Variants in PLPPR1 observed in about 807,000 individuals in gnomAD.
PLPPR1 encodes phospholipid phosphatase-related protein type 1.
A neutral mutation model predicts 33.1 loss-of-function variants in PLPPR1; 10 were observed. The observed-to-expected ratio is 0.30, with a 90% CI of 0.19 to 0.51. The LOEUF (loss-of-function observed/expected upper bound fraction) is 0.51, where lower values mean the gene tolerates loss of function less well. PLPPR1 is among the 20% of genes least tolerant of loss of function. PLPPR1 has a pLI of 0.97. For missense variants in PLPPR1, 304 were observed against 408.1 expected (o/e 0.74, Z 2.20); for synonymous variants, 151 against 151.0 (o/e 1.00, Z 0.00).
At chr9:101,181,625 T>G (rs912562067) in intron 1 of PLPPR1, among the ~76,000 whole-genome samples, 2 of 134,310 alleles carry the variant, frequency 1.5e-5, no homozygotes, top group Non-Finnish European at 3.4e-5. Context: ...TGTGTGTGTG[T>G]GTGTGTGTAT....
At chr9:101,270,817 C>T (rs187620037) in intron 3 of PLPPR1, among the ~76,000 whole-genome samples, 18 of 152,100 alleles carry the variant, frequency 1.2e-4, no homozygotes, top group Admixed American at 5.2e-4. Context: ...CCTAAATATG[C>T]CATAAGGTCA....
chr9:101,064,082 T>A (rs1830378153), intron 1 of PLPPR1, among the ~76,000 whole-genome samples: 1 of 152,142 alleles, frequency 6.6e-6, no homozygotes, highest in African/African-American at 2.4e-5. Context: ...AATTTATAGA[T>A]CTATGATTCT....
At chr9:101,302,992 G>A (rs1197263380) in intron 4 of PLPPR1, among the ~76,000 whole-genome samples, 1 of 152,132 alleles carries the variant, frequency 6.6e-6, no homozygotes, top group African/African-American at 2.4e-5. Flanking sequence ...TTGTTATTTT[G>A]TTTTTGTTTT....
chr9:101,034,707 A>C (rs1244851187), intron 1 of PLPPR1, among the ~76,000 whole-genome samples: 1 of 152,098 alleles, frequency 6.6e-6, no homozygotes, highest in Non-Finnish European at 1.5e-5. Context: ...TAAGTACCTA[A>C]TAAATGGAGA....
intron 1 of PLPPR1, among the ~76,000 whole-genome samples, chr9:101,176,067 G>A (rs981959237): frequency 5.9e-5 from 9 of 152,178 alleles, no homozygotes; most frequent in Admixed American, 1.3e-4. Context: ...AACCACAAAT[G>A]CCAATAGGAG....
At chr9:101,082,406 C>T (rs959535905) in intron 1 of PLPPR1, among the ~76,000 whole-genome samples, 2 of 152,040 alleles carry the variant, frequency 1.3e-5, no homozygotes, top group African/African-American at 4.8e-5. Flanking sequence ...CATTCCTCCT[C>T]CCCCACCAAG....
chr9:101,116,402 C>T (rs907784786), intron 1 of PLPPR1, among the ~76,000 whole-genome samples: 1 of 152,154 alleles, frequency 6.6e-6, no homozygotes, highest in African/African-American at 2.4e-5. Flanking sequence ...GGTAGCGGTC[C>T]CATATCAGCT....
At position 101,270,081 on chromosome 9, in the gene PLPPR1, A is replaced by G. The variant is rs1828066940; in HGVS notation, c.252+13A>G. On this transcript the variant is annotated intron_variant, in intron 3 of 7. Transcript: ENST00000374874. ...CCCAACTGCTATTGTAAGTACAGAA[A>G]TAGACTTTCCTCTTTATTGTCAGAT... 1 of 1,613,336 alleles carries G rather than the reference A, an allele frequency of 6.2e-7. No homozygotes were observed. The highest frequency in any genetic ancestry group is 2.2e-5 in the East Asian group (1 of 44,866).
intron 1 of PLPPR1, among the ~76,000 whole-genome samples, chr9:101,094,812 G>A (rs982282765): frequency 1.3e-5 from 2 of 152,148 alleles, no homozygotes; most frequent in African/African-American, 4.8e-5. Flanking sequence ...AGCAGCCACT[G>A]TGTCACCAAC....
chr9:101,109,107 C>G (rs192778499), intron 1 of PLPPR1, among the ~76,000 whole-genome samples: 1 of 150,046 alleles, frequency 6.7e-6, no homozygotes, highest in African/African-American at 2.4e-5. Context: ...TACAGGCGCC[C>G]GCCACCACGC....
At chr9:101,221,205 C>T (rs754890115) in intron 2 of PLPPR1, among the ~76,000 whole-genome samples, 14 of 152,072 alleles carry the variant, frequency 9.2e-5, no homozygotes, top group African/African-American at 2.7e-4. Flanking sequence ...GAGCAGTATA[C>T]GCTGCACTGT....
In PLPPR1 at chr9:101,309,071, A is replaced by C. The variant is rs566960884; in HGVS notation, c.386-140A>C. On this transcript the variant is annotated intron_variant, in intron 4 of 7. Transcript: ENST00000374874. ...AATGGTGATTTGGGAAGCAGGTACC[A>C]CTCCTGGAAAGATACTCCGGGGAGT... 3.8e-6 allele frequency: 3 copies of C among 784,698 alleles called. No individual in the cohort carries two copies. The East Asian group carries it at 7.4e-5, about 19-fold the overall frequency. The allele number at this position is 784,698 out of a possible 1,614,324, so 48.6% of individuals were successfully genotyped here.
intron 4 of PLPPR1, among the ~76,000 whole-genome samples, chr9:101,294,300 G>T (rs1258630456): frequency 6.6e-6 from 1 of 151,780 alleles, no homozygotes; most frequent in Non-Finnish European, 1.5e-5. Context: ...TGAAATTGTG[G>T]CAATAATCAA....
At chr9:101,212,569 T>G (rs1040422674) in intron 2 of PLPPR1, among the ~76,000 whole-genome samples, 3 of 152,220 alleles carry the variant, frequency 2.0e-5, no homozygotes, top group Non-Finnish European at 4.4e-5. Flanking sequence ...CCAACATCAT[T>G]CTTCTTAGTA....
At chr9:101,290,631 A>C in intron 4 of PLPPR1, among the ~76,000 whole-genome samples, 1 of 152,236 alleles carries the variant, frequency 6.6e-6, no homozygotes, top group Non-Finnish European at 1.5e-5. Flanking sequence ...AATGTAGATT[A>C]ATTTTTGTGG....
At chr9:101,185,772 A>G (rs1826192887) in intron 2 of PLPPR1, among the ~76,000 whole-genome samples, 1 of 151,818 alleles carries the variant, frequency 6.6e-6, no homozygotes, top group African/African-American at 2.4e-5. Context: ...GATATATAAT[A>G]TATCCAAATT....
intron 1 of PLPPR1, among the ~76,000 whole-genome samples, chr9:101,118,213 A>G (rs981481051): frequency 6.6e-6 from 1 of 152,216 alleles, no homozygotes; most frequent in African/African-American, 2.4e-5. Context: ...TCAGGATCTC[A>G]GGTGCCACTT....
chr9:101,092,811 C>G (rs1198622742), intron 1 of PLPPR1, among the ~76,000 whole-genome samples: 6 of 136,616 alleles, frequency 4.4e-5, no homozygotes, highest in Non-Finnish European at 9.2e-5. Flanking sequence ...GAGGTGGGAT[C>G]TTTGAAAGGG....
intron 1 of PLPPR1, among the ~76,000 whole-genome samples, chr9:101,083,440 A>G (rs1830643784): frequency 1.3e-5 from 2 of 151,982 alleles, no homozygotes; most frequent in Non-Finnish European, 1.5e-5. Flanking sequence ...AATAGCATGT[A>G]GTAAATGAAG....
Sources: gnomAD v4.1 joint callset for allele counts (sites outside exome capture counted in the v4.1 genomes callset) on GRCh38, gnomAD v4.1.1 for gene constraint, MANE v1.5 for transcripts, NCBI Gene and HGNC (gene_info 2026-07-23, HGNC 2026-07-21) for gene names.